KIF6: variants seen among roughly 807,000 people sequenced by gnomAD.
KIF6 encodes the protein kinesin-like protein KIF6.
A neutral mutation model predicts 112.7 loss-of-function variants in KIF6; 106 were observed. That is an observed-to-expected ratio of 0.94 (90% confidence interval 0.80 to 1.11). The LOEUF (loss-of-function observed/expected upper bound fraction) is 1.11, where lower values mean the gene tolerates loss of function less well. Among genes scored for constraint, KIF6 ranks in the 50% least tolerant of loss-of-function variants. KIF6 has a pLI of 0.00. For synonymous variants in KIF6, 339 were observed against 339.9 expected (o/e 1.00, Z 0.03); for missense variants, 929 against 964.0 (o/e 0.96, Z 0.48).
intron 10 of KIF6, among the ~76,000 whole-genome samples, chr6:39,548,042 T>C (rs1318600509): frequency 1.3e-5 from 2 of 152,202 alleles, no homozygotes; most frequent in Admixed American, 1.3e-4. Flanking sequence ...TATACACTCG[T>C]TTTCTGGAGT....
At chr6:39,346,745 T>C (rs1581634605) in intron 19 of KIF6, among the ~76,000 whole-genome samples, 1 of 152,302 alleles carries the variant, frequency 6.6e-6, no homozygotes, top group Middle Eastern at 3.4e-3. Flanking sequence ...CTTCCTGGGT[T>C]TGAGCAATCC....
chr6:39,654,828 A>G (rs1245026071), intron 3 of KIF6, among the ~76,000 whole-genome samples: 3 of 152,194 alleles, frequency 2.0e-5, no homozygotes, highest in African/African-American at 7.2e-5. Context: ...CTCTCACATC[A>G]GTAGATCCAC....
At chr6:39,361,315 T>C (rs546116542) in intron 17 of KIF6, among the ~76,000 whole-genome samples, 1 of 151,912 alleles carries the variant, frequency 6.6e-6, no homozygotes, top group East Asian at 1.9e-4. Flanking sequence ...TCCCAGCACT[T>C]TGGGAGGCTG....
chr6:39,440,030 A>G (rs954832138), intron 13 of KIF6, among the ~76,000 whole-genome samples: 2 of 152,188 alleles, frequency 1.3e-5, no homozygotes, highest in African/African-American at 2.4e-5. Context: ...AGCCAAAAAT[A>G]TATTTTCCTT....
At chr6:39,656,292 G>A (rs1281406770) in intron 3 of KIF6, among the ~76,000 whole-genome samples, 1 of 152,072 alleles carries the variant, frequency 6.6e-6, no homozygotes, top group Non-Finnish European at 1.5e-5. Context: ...GGCCCATTTC[G>A]ATTATGTGTG....
rs537637567 is a variant in KIF6 at position 39,515,601 on chromosome 6, C to G, written c.1645+24402G>C. Among the ~76,000 whole-genome samples, 6 of 152,332 alleles carry G rather than the reference C, an allele frequency of 3.9e-5. No homozygotes were observed. In the South Asian group the frequency reaches 1.2e-3, roughly 32 times the overall value. ...CTAATAGAAAAAGCCATCTCAAACACTTCTCTTATATAGTATGTCTGGTGT... is the reference window on the plus strand; with the variant it reads ...CTAATAGAAAAAGCCATCTCAAACAGTTCTCTTATATAGTATGTCTGGTGT... On this transcript the variant is annotated intron_variant, in intron 13 of 22. Transcript: ENST00000287152.
chr6:39,473,980 C>A (rs980383130), intron 13 of KIF6, among the ~76,000 whole-genome samples: 19 of 152,130 alleles, frequency 1.2e-4, no homozygotes, highest in African/African-American at 4.6e-4. Context: ...CCACCTACTT[C>A]TGTTCTTTAT....
intron 13 of KIF6, among the ~76,000 whole-genome samples, chr6:39,500,086 T>C (rs886195136): frequency 1.3e-5 from 2 of 152,128 alleles, no homozygotes; most frequent in African/African-American, 4.8e-5. Context: ...CAGAGTAGGA[T>C]GCACACAGAT....
At chr6:39,680,381 A>G (rs1787443770) in intron 3 of KIF6, among the ~76,000 whole-genome samples, 1 of 152,206 alleles carries the variant, frequency 6.6e-6, no homozygotes, top group South Asian at 2.1e-4. Context: ...TTTGTCAGTA[A>G]TTCCTGCTGT....
At chr6:39,700,472 A>G (rs543283476) in intron 3 of KIF6, among the ~76,000 whole-genome samples, 3 of 152,300 alleles carry the variant, frequency 2.0e-5, no homozygotes, top group African/African-American at 7.2e-5. Flanking sequence ...TGGAAGTTTG[A>G]ATTTTGTTTT....
chr6:39,467,108 G>T (rs1042834198), intron 13 of KIF6, among the ~76,000 whole-genome samples: 2 of 152,180 alleles, frequency 1.3e-5, no homozygotes, highest in Admixed American at 6.5e-5. Context: ...TTGGAACAGA[G>T]ACTATGAGGA....
At chr6:39,512,493 G>A (rs111582019) in intron 13 of KIF6, among the ~76,000 whole-genome samples, 4,000 of 152,276 alleles carry the variant, frequency 0.026, 92 homozygotes, top group Non-Finnish European at 0.037. Context: ...CATAGCCTTG[G>A]CTGCTTAGGT....
At chr6:39,395,590 G>A (rs78308528) in intron 15 of KIF6, among the ~76,000 whole-genome samples, 5,863 of 152,260 alleles carry the variant, frequency 0.039, 362 homozygotes, top group African/African-American at 0.13. Flanking sequence ...ATGTGGTTCC[G>A]GTTGCCAGAA....
At chr6:39,543,545 CT>C (rs1340614617) in intron 12 of KIF6, among the ~76,000 whole-genome samples, 1 of 152,178 alleles carries the variant, frequency 6.6e-6, no homozygotes, top group African/African-American at 2.4e-5. Flanking sequence ...CTCTTTATTA[CT>C]GGGTTTCCTT....
In KIF6 at chr6:39,346,542, G is replaced by A. The variant is rs771168241; in HGVS notation, c.2181-16C>T. On this transcript the variant is annotated splice_polypyrimidine_tract_variant and intron_variant, in intron 19 of 22. Coordinates refer to ENST00000287152, the MANE Select transcript of KIF6 (RefSeq NM_145027.6). ...GCCTCCAGAACTGTGAAAAATAAAC[G>A]TTTGTTGTTTGAGCCACTCAGTCTA... 8.0e-5 allele frequency: 56 copies of A among 700,554 alleles called. 1 individual carries two copies. The highest frequency in any genetic ancestry group is 2.7e-4 in the South Asian group (17 of 63,888). 43.4% of individuals were successfully genotyped at this position (700,554 alleles called of 1,614,324 possible). A position where few individuals can be genotyped will look rare whatever the true frequency, so the allele number is the denominator to read the frequency against.
intron 13 of KIF6, among the ~76,000 whole-genome samples, chr6:39,447,273 T>G (rs1489633062): frequency 6.6e-6 from 1 of 152,130 alleles, no homozygotes; most frequent in African/African-American, 2.4e-5. Context: ...CAGTGGACTC[T>G]CATGTATACC....
chr6:39,714,948 A>C (rs574860795), intron 2 of KIF6, 182 bp from the exon 3 acceptor site: 150 of 555,880 alleles, frequency 2.7e-4, no homozygotes, highest in Non-Finnish European at 4.0e-4. Context: ...TCCTGTATAC[A>C]AATGGTGGGT....
intron 15 of KIF6, among the ~76,000 whole-genome samples, chr6:39,418,269 C>CT (rs1562195934): frequency 1.3e-5 from 2 of 152,146 alleles, no homozygotes; most frequent in African/African-American, 4.8e-5. Context: ...GGTTTGAAAT[C>CT]TTTTTTTGTG....
intron 3 of KIF6, among the ~76,000 whole-genome samples, chr6:39,694,233 G>A (rs1311662493): frequency 6.6e-6 from 1 of 152,008 alleles, no homozygotes; most frequent in Non-Finnish European, 1.5e-5. Flanking sequence ...GCAAAAGGTG[G>A]AAGCATTCCC....
Sources: allele counts gnomAD v4.1 joint callset (sites outside exome capture counted in the v4.1 genomes callset), GRCh38; gene constraint gnomAD v4.1.1; transcripts MANE v1.5; gene names NCBI Gene and HGNC (gene_info 2026-07-23, HGNC 2026-07-21).